Variants in ARHGEF38 observed in about 807,000 individuals in gnomAD.
ARHGEF38 encodes the protein Rho guanine nucleotide exchange factor (GEF) 38.
ARHGEF38 carries 79 observed loss-of-function variants against 79.9 expected under a neutral mutation model. That is an observed-to-expected ratio of 0.99 (90% CI 0.82 to 1.19). ARHGEF38 has a LOEUF of 1.19. Among genes scored for constraint, ARHGEF38 ranks in the 50% most tolerant of loss-of-function variants. The pLI is 0.00. For missense variants in ARHGEF38, 962 were observed against 907.2 expected (o/e 1.06, Z -0.78); for synonymous variants, 366 against 328.3 (o/e 1.11, Z -1.24).
chr4:105,677,727 T>A (rs1399482359), intron 13 of ARHGEF38, 25 bp from the exon 14 acceptor site: 1 of 1,393,438 alleles, frequency 7.2e-7, no homozygotes, highest in Non-Finnish European at 9.4e-7. Context: ...CCAATTCCAA[T>A]AATGTCTTTT....
chr4:105,663,981 A>C (rs7673553), intron 10 of ARHGEF38, among the ~76,000 whole-genome samples: 2,147 of 151,686 alleles, frequency 0.014, 36 homozygotes, highest in Middle Eastern at 0.044. Context: ...AAAAAAAAAA[A>C]AAACAAACAA....
At chr4:105,636,863 A>G (rs1274460288) in intron 5 of ARHGEF38, among the ~76,000 whole-genome samples, 1 of 152,062 alleles carries the variant, frequency 6.6e-6, no homozygotes, top group South Asian at 2.1e-4. Flanking sequence ...CAAGTCTTGT[A>G]TGATTTATGG....
intron 2 of ARHGEF38, among the ~76,000 whole-genome samples, chr4:105,599,466 A>G (rs1303210764): frequency 6.6e-6 from 1 of 152,176 alleles, no homozygotes; most frequent in Non-Finnish European, 1.5e-5. Flanking sequence ...GTCATCCCTC[A>G]GCCTGGGCAA....
intron 1 of ARHGEF38, among the ~76,000 whole-genome samples, chr4:105,573,126 C>T (rs1049593890): frequency 1.1e-4 from 17 of 152,064 alleles, no homozygotes; most frequent in African/African-American, 4.1e-4. Flanking sequence ...GGAGCTCTTT[C>T]TACATTCTGG....
At chr4:105,611,782 T>G (rs1247255472) in intron 2 of ARHGEF38, among the ~76,000 whole-genome samples, 1 of 152,124 alleles carries the variant, frequency 6.6e-6, no homozygotes, top group South Asian at 2.1e-4. Flanking sequence ...GGTTACAATG[T>G]AATAATTAGT....
chr4:105,640,382 T>G (rs569327704), intron 5 of ARHGEF38, among the ~76,000 whole-genome samples: 1 of 152,296 alleles, frequency 6.6e-6, no homozygotes, highest in African/African-American at 2.4e-5. Context: ...TGTTCTTCAT[T>G]TACTTAGTTT....
intron 2 of ARHGEF38, among the ~76,000 whole-genome samples, chr4:105,611,503 C>T (rs1347344727): frequency 6.6e-6 from 1 of 151,798 alleles, no homozygotes; most frequent in Non-Finnish European, 1.5e-5. Context: ...ACATTTGAGC[C>T]ATTGATAATA....
intron 2 of ARHGEF38, among the ~76,000 whole-genome samples, chr4:105,594,906 A>G (rs1727510844): frequency 6.6e-6 from 1 of 152,178 alleles, no homozygotes; most frequent in African/African-American, 2.4e-5. Context: ...TAGTGGGAAA[A>G]CAGGTTCTAG....
chr4:105,616,018 G>A (rs1728495501), intron 3 of ARHGEF38, among the ~76,000 whole-genome samples: 4 of 152,136 alleles, frequency 2.6e-5, no homozygotes. Flanking sequence ...CATGACCTAT[G>A]AGAGGCATGA....
chr4:105,645,276 C>T lies in ARHGEF38; in HGVS notation c.763C>T (p.Arg255Trp), dbSNP rs773873939. Residue 255 changes from arginine (R) to tryptophan (W), a missense_variant, in exon 6 of 14, where the codon CGG becomes TGG. By Grantham distance (101) the Arg-to-Trp change is moderately radical. Transcript: ENST00000420470. ...MKYPLLLCEL[R>W]NSTPPSHPDY... ...ATACCCCCTATTACTGTGCGAACTT[C>T]GGAATTCCACCCCTCCCTCTCACCC... 1.7e-5 allele frequency: 26 copies of T among 1,536,504 alleles called. No individual in the cohort carries two copies. The South Asian group carries it at 2.0e-4, about 12-fold the overall frequency.
rs1191101930 is a variant in ARHGEF38 at position 105,608,085 on chromosome 4, G to A, written c.385-5299G>A. 9.2e-5 allele frequency among the ~76,000 whole-genome samples: 14 copies of A among 152,038 alleles called. 1 individual carries two copies. The highest frequency in any genetic ancestry group is 6.6e-4 in the Admixed American group (10 of 15,224). On this transcript the variant is annotated intron_variant, in intron 2 of 13. Transcript: ENST00000420470. ...CAGATTCAGTGTCTGATGAGGGCCC[G>A]CTTTCTAGACAGCCATCTTTTAGCT...
chr4:105,617,745 G>T (rs1028539696), intron 3 of ARHGEF38, among the ~76,000 whole-genome samples: 1 of 152,016 alleles, frequency 6.6e-6, no homozygotes, highest in African/African-American at 2.4e-5. Context: ...AAACAAAATT[G>T]CAAATAGGAA....
intron 2 of ARHGEF38, among the ~76,000 whole-genome samples, chr4:105,593,935 C>T (rs1578290957): frequency 6.6e-6 from 1 of 152,102 alleles, no homozygotes; most frequent in African/African-American, 2.4e-5. Context: ...AATTACAATT[C>T]TCAAAATTCT....
intron 1 of ARHGEF38, chr4:105,561,464 A>AGAATGGAATGGAATG (rs1560684539): frequency 0.015 from 674 of 44,576 alleles, 81 homozygotes; most frequent in Middle Eastern, 0.023. Context: ...AGAATAGAAT[A>AGAATGGAATGGAATG]GAATAGAATA....
At chr4:105,587,263 G>C (rs118154147) in intron 1 of ARHGEF38, among the ~76,000 whole-genome samples, 1 of 152,230 alleles carries the variant, frequency 6.6e-6, no homozygotes, top group East Asian at 1.9e-4. Context: ...AGCTGCAATT[G>C]CACCACTGCA....
At chr4:105,666,488 G>A (rs1248311431) in intron 11 of ARHGEF38, among the ~76,000 whole-genome samples, 168 bp downstream of exon 11, 5 of 152,074 alleles carry the variant, frequency 3.3e-5, no homozygotes, top group Non-Finnish European at 7.4e-5. Context: ...AGCTCCATAA[G>A]ATCATGGATT....
intron 5 of ARHGEF38, among the ~76,000 whole-genome samples, chr4:105,638,137 G>A (rs1365518717): frequency 2.0e-5 from 3 of 152,098 alleles, no homozygotes; most frequent in Non-Finnish European, 4.4e-5. Context: ...AGCCAAAAGG[G>A]CATTTAAGAG....
At chr4:105,600,637 T>C (rs568558436) in intron 2 of ARHGEF38, among the ~76,000 whole-genome samples, 75 of 152,294 alleles carry the variant, frequency 4.9e-4, no homozygotes, top group African/African-American at 1.8e-3. Context: ...GCCTAGACAT[T>C]TTCCCTGAAG....
At chr4:105,592,683 A>G (rs1727395867) in intron 2 of ARHGEF38, among the ~76,000 whole-genome samples, 1 of 152,148 alleles carries the variant, frequency 6.6e-6, no homozygotes. Context: ...GCCCCCAGTA[A>G]TGTTTCTGAG....
Sources: gnomAD v4.1 joint callset for allele counts (sites outside exome capture counted in the v4.1 genomes callset) on GRCh38, gnomAD v4.1.1 for gene constraint, MANE v1.5 for transcripts, NCBI Gene and HGNC (gene_info 2026-07-23, HGNC 2026-07-21) for gene names.